The following GRID2 variants were observed in gnomAD, a reference collection of about 807,000 sequenced individuals.
GRID2 encodes the protein glutamate receptor ionotropic, delta-2.
GRID2 carries 33 observed loss-of-function variants against 114.8 expected under a neutral mutation model. That is an observed-to-expected ratio of 0.29 (90% CI 0.22 to 0.38). The LOEUF (loss-of-function observed/expected upper bound fraction) is 0.38. Among genes scored for constraint, GRID2 ranks in the 10% least tolerant of loss-of-function variants. The pLI, the probability that GRID2 is intolerant of heterozygous loss-of-function variation, is 1.00. For synonymous variants in GRID2, 505 were observed against 449.9 expected, an observed-to-expected ratio of 1.12 and a Z score of -1.55; for missense variants, 1,184 against 1,257.7, an observed-to-expected ratio of 0.94 and a Z score of 0.89.
chr4:92,765,351 T>C (rs549911246), intron 2 of GRID2, among the ~76,000 whole-genome samples: 1 of 152,294 alleles, frequency 6.6e-6, no homozygotes, highest in East Asian at 1.9e-4. Context: ...CTATTTTTCA[T>C]TAAAAATCGA....
At chr4:92,704,945 A>G (rs1734887466) in intron 2 of GRID2, among the ~76,000 whole-genome samples, 1 of 152,256 alleles carries the variant, frequency 6.6e-6, no homozygotes, top group African/African-American at 2.4e-5. Flanking sequence ...TAATTATTCT[A>G]TAAAATGCTA....
intron 14 of GRID2, among the ~76,000 whole-genome samples, chr4:93,637,208 G>C (rs1721489768): frequency 6.6e-6 from 1 of 152,084 alleles, no homozygotes; most frequent in Admixed American, 6.6e-5. Flanking sequence ...TAAAATAGTA[G>C]TCGACATTCA....
intron 8 of GRID2, among the ~76,000 whole-genome samples, chr4:93,349,986 G>A (rs1204354492): frequency 2.0e-5 from 3 of 152,002 alleles, no homozygotes; most frequent in Admixed American, 2.0e-4. Context: ...CTGATATATG[G>A]TGACTTAACA....
intron 2 of GRID2, among the ~76,000 whole-genome samples, chr4:92,716,773 A>T (rs1364412174): frequency 6.6e-6 from 1 of 152,146 alleles, no homozygotes; most frequent in Non-Finnish European, 1.5e-5. Flanking sequence ...CCTGGGAGAA[A>T]ATCATTTGTG....
chr4:92,767,846 T>C (rs1200728315), intron 2 of GRID2, among the ~76,000 whole-genome samples: 2 of 151,566 alleles, frequency 1.3e-5, no homozygotes, highest in African/African-American at 4.9e-5. Flanking sequence ...TTCAAGGCTG[T>C]AGTTGGCTAA....
intron 8 of GRID2, among the ~76,000 whole-genome samples, chr4:93,344,638 T>A (rs1760009801): frequency 6.7e-6 from 1 of 148,206 alleles, no homozygotes; most frequent in African/African-American, 2.4e-5. Flanking sequence ...TTTTATATTG[T>A]ATATATTTAA....
In GRID2 at chr4:93,594,009, C is replaced by T. The variant is rs867553714; in HGVS notation, c.2194-32260C>T. The stretch of plus-strand genomic sequence containing the variant: ...TTTGCCTTTGGTTTGAATGTCCTCC[C>T]GTAGCTCAGAGTAATTTGATCGTCT... On this transcript the variant is annotated intron_variant, in intron 13 of 15. Transcript: ENST00000282020. Among the ~76,000 whole-genome samples, 951 of 152,102 alleles carry T rather than the reference C, an allele frequency of 6.3e-3. 7 individuals carry two copies. The highest frequency in any genetic ancestry group is 0.022 in the African/African-American group (915 of 41,514).
intron 4 of GRID2, among the ~76,000 whole-genome samples, chr4:93,131,256 C>T (rs1452494989): frequency 1.4e-5 from 2 of 147,226 alleles, no homozygotes; most frequent in African/African-American, 2.5e-5. Flanking sequence ...CAGGTTAAAG[C>T]GATTCTCCTA....
chr4:92,975,697 GT>G (rs1474893888), intron 2 of GRID2, among the ~76,000 whole-genome samples: 1 of 151,948 alleles, frequency 6.6e-6, no homozygotes, highest in Non-Finnish European at 1.5e-5. Flanking sequence ...CTTGTCATAA[GT>G]TTTACAACTT....
At chr4:93,258,877 C>T (rs1490182182) in intron 8 of GRID2, 1 of 453,594 alleles carries the variant, frequency 2.2e-6, no homozygotes, top group South Asian at 1.6e-5. Flanking sequence ...ATTTATTATC[C>T]TCTCTTTTCC....
intron 12 of GRID2, among the ~76,000 whole-genome samples, chr4:93,499,005 C>A (rs1327254416): frequency 1.3e-5 from 2 of 151,826 alleles, no homozygotes; most frequent in Non-Finnish European, 2.9e-5. Context: ...TGGATTTTGA[C>A]AAATGATTTC....
At chr4:92,688,137 C>A (rs1293830908) in intron 2 of GRID2, among the ~76,000 whole-genome samples, 1 of 147,696 alleles carries the variant, frequency 6.8e-6, no homozygotes, top group African/African-American at 2.5e-5. Flanking sequence ...GCAACCTCCA[C>A]CTCCTGGGTT....
chr4:93,325,072 C>T (rs1757682903), intron 8 of GRID2, among the ~76,000 whole-genome samples: 1 of 152,106 alleles, frequency 6.6e-6, no homozygotes, highest in Non-Finnish European at 1.5e-5. Flanking sequence ...TTCTTGCCTT[C>T]TGCTAACTTT....
chr4:92,861,606 C>A (rs959201359), intron 2 of GRID2, among the ~76,000 whole-genome samples: 1 of 152,066 alleles, frequency 6.6e-6, no homozygotes, highest in East Asian at 1.9e-4. Context: ...CCTTTTTAAG[C>A]GATAGGCATG....
chr4:92,498,784 G>A (rs962711082), intron 1 of GRID2, among the ~76,000 whole-genome samples: 1 of 151,554 alleles, frequency 6.6e-6, no homozygotes, highest in Non-Finnish European at 1.5e-5. Flanking sequence ...TATTCCTTCA[G>A]AATGTCCTCC....
At chr4:93,162,144 C>A (rs1199697916) in intron 4 of GRID2, among the ~76,000 whole-genome samples, 1 of 151,660 alleles carries the variant, frequency 6.6e-6, no homozygotes, top group Non-Finnish European at 1.5e-5. Flanking sequence ...CCTCCTTATT[C>A]TTTGTGAATT....
intron 2 of GRID2, among the ~76,000 whole-genome samples, chr4:93,006,330 A>G (rs1452239673): frequency 6.6e-6 from 1 of 152,116 alleles, no homozygotes; most frequent in African/African-American, 2.4e-5. Flanking sequence ...GGGGAGACCT[A>G]GCAGCGGCTG....
chr4:92,400,984 A>G (rs948737912), intron 1 of GRID2, among the ~76,000 whole-genome samples: 2 of 152,192 alleles, frequency 1.3e-5, no homozygotes, highest in Non-Finnish European at 2.9e-5. Context: ...AATAACCTCA[A>G]TATAAGTTGC....
chr4:92,969,941 T>G (rs1198468548), intron 2 of GRID2, among the ~76,000 whole-genome samples: 1 of 151,950 alleles, frequency 6.6e-6, no homozygotes, highest in African/African-American at 2.4e-5. Flanking sequence ...AAAAATTTCT[T>G]AAGATAGAAA....
Sources: gnomAD v4.1 joint callset for allele counts (sites outside exome capture counted in the v4.1 genomes callset) on GRCh38, gnomAD v4.1.1 for gene constraint, MANE v1.5 for transcripts, NCBI Gene and HGNC (gene_info 2026-07-23, HGNC 2026-07-21) for gene names.